Variants in MYH2 observed in about 807,000 individuals in gnomAD.
MYH2 encodes the protein myosin heavy chain 2, also known as myosin-2.
A neutral mutation model predicts 228.1 loss-of-function variants in MYH2; 139 were observed. The ratio of observed to expected loss-of-function variants is 0.61; its 90% CI spans 0.53 to 0.70. The LOEUF is 0.70. MYH2 is among the 30% of genes least tolerant of loss of function. The pLI, the probability that MYH2 is intolerant of heterozygous loss-of-function variation, is 0.00. For missense variants in MYH2, 1,809 were observed against 2,357.5 expected (o/e 0.77, Z 4.82); for synonymous variants, 796 against 871.1 (o/e 0.91, Z 1.52).
rs2073278991 is a variant in MYH2, at chr17:10,521,164, C to T, written c.*116G>A. 3 of 1,274,788 alleles carry T rather than the reference C, an allele frequency of 2.4e-6. No individual in the cohort carries two copies. Among genetic ancestry groups the T allele is most frequent in the Non-Finnish European group, 3.4e-6 (3 of 877,770 alleles). The allele number at this position is 1,274,788 out of a possible 1,614,324, so 79.0% of individuals were successfully genotyped here. A position where few individuals can be genotyped will look rare whatever the true frequency, so the allele number is the denominator to read the frequency against. The stretch of plus-strand genomic sequence containing the variant: ...GTCTAAGGATATTGTTTGCAAACTA[C>T]CCTATGCTTTATTTCCTTTGCAACA... On this transcript the variant is annotated 3_prime_UTR_variant, in exon 40 of 40. Coordinates refer to ENST00000245503, the MANE Select transcript of MYH2 (RefSeq NM_017534.6).
In MYH2 at chr17:10,540,359, C is replaced by CA. The variant is rs56139789; in HGVS notation, c.1008+234dup. Reference sequence around the variant, plus strand: ...GTAGGAATCTAATGCAAGTCAATTGCAAAAAAAAAAAAATAGTTTAGAAAT... The same window carrying CA: ...GTAGGAATCTAATGCAAGTCAATTGCAAAAAAAAAAAAAATAGTTTAGAAAT... On this transcript the variant is annotated intron_variant, in intron 11 of 39. Coordinates refer to ENST00000245503, the MANE Select transcript of MYH2 (RefSeq NM_017534.6). Among the ~76,000 whole-genome samples the CA allele has an allele frequency of 0.013, 2,009 of 149,076 alleles. 23 individuals are homozygous for CA. The highest frequency in any genetic ancestry group is 0.033 in the East Asian group (163 of 4,974).
chr17:10,543,668 T>G (rs750981113), intron 8 of MYH2, 43 bp downstream of exon 8: 8 of 1,603,332 alleles, frequency 5.0e-6, no homozygotes, highest in Non-Finnish European at 5.1e-6. Context: ...CTCATAAATT[T>G]TGACCAGTGA....
At position 10,524,322 on chromosome 17, in the gene MYH2, C is replaced by G; in HGVS notation, c.5175+144G>C. ...CAAAGCAAAACAGTGAAAGATTTCTCAGTAATGCAGAATTACTATTCTGTA... is the reference window on the plus strand; with the variant it reads ...CAAAGCAAAACAGTGAAAGATTTCTGAGTAATGCAGAATTACTATTCTGTA... On this transcript the variant is annotated intron_variant, in intron 35 of 39. Coordinates refer to ENST00000245503, the MANE Select transcript of MYH2 (RefSeq NM_017534.6). This position sits in a 1 kb window ranked among gnomAD's most constrained non-coding sequence, Gnocchi z 4.7. 9.0e-7 allele frequency: 1 copy of G among 1,108,960 alleles called. No homozygotes were observed. Among genetic ancestry groups the G allele is most frequent in the South Asian group, 1.4e-5 (1 of 71,384 alleles). 68.7% of individuals were successfully genotyped at this position (1,108,960 alleles called of 1,614,324 possible). A position where few individuals can be genotyped will look rare whatever the true frequency, so the allele number is the denominator to read the frequency against.
intron 14 of MYH2, 80 bp downstream of exon 14, chr17:10,539,125 A>G: frequency 6.2e-7 from 1 of 1,610,506 alleles, no homozygotes; most frequent in African/African-American, 1.3e-5. Flanking sequence ...AGAAAAGGTC[A>G]TAGTCTTCAC....
Position 10,531,906 on chromosome 17 carries a change from C to G in MYH2, c.2442-18G>C. The G allele has an allele frequency of 1.2e-6, 2 of 1,613,704 alleles. No homozygotes were observed. The highest frequency in any genetic ancestry group is 1.7e-6 in the Non-Finnish European group (2 of 1,179,768). ...TGGCCTCCCTGAAATTTAATTGATG[C>G]AAATTAGTATTGTGTGGTTGATGCA... On this transcript the variant is annotated intron_variant, in intron 21 of 39. Transcript: ENST00000245503.
chr17:10,544,202 G>A (rs1170423054), intron 5 of MYH2, 75 bp from the exon 6 acceptor site: 2 of 1,549,568 alleles, frequency 1.3e-6, no homozygotes, highest in East Asian at 4.7e-5. Flanking sequence ...AAAATGGAAT[G>A]AACTTAGTAT....
rs751017608 is a variant in MYH2 at position 10,525,302 on chromosome 17, A to G, written c.4584T>C (p.Arg1528=). Residue 1528 remains arginine, a synonymous_variant, in exon 33 of 40, where the codon CGT becomes CGC. Coordinates refer to ENST00000245503, the MANE Select transcript of MYH2 (RefSeq NM_017534.6). The surrounding 1 kb of genome is among the most constrained non-coding windows in gnomAD (Gnocchi z 4.2). Reference sequence around the variant, plus strand: ...TCTTTATTTTCTCCAGTTCATGGATACGTTTCCCTCCTTCTGCAATCTGTT... The same window carrying G: ...TCTTTATTTTCTCCAGTTCATGGATGCGTTTCCCTCCTTCTGCAATCTGTT... The part of the protein sequence containing the change: ...LTEQIAEGGK[R]IHELEKIKKQ... 12 of 1,614,144 alleles carry G rather than the reference A, an allele frequency of 7.4e-6. No individual in the cohort carries two copies. The highest frequency in any genetic ancestry group is 1.0e-5 in the Non-Finnish European group (12 of 1,180,010).
rs1286816874 is a variant in MYH2, at chr17:10,524,455, C to T, written c.5175+11G>A. 1 of 1,614,112 alleles carries T rather than the reference C, an allele frequency of 6.2e-7. No individual in the cohort carries two copies. Among genetic ancestry groups the T allele is most frequent in the Non-Finnish European group, 8.5e-7 (1 of 1,179,948 alleles). ...AATTTACTAAGGAGAGTTCTTTGTG[C>T]TGAATCCCACCTGGGTGTGCAGTAG... On this transcript the variant is annotated intron_variant, in intron 35 of 39. Transcript: ENST00000245503. The surrounding 1 kb of genome is among the most constrained non-coding windows in gnomAD (Gnocchi z 4.7).
rs1254393512 is a variant in MYH2 at position 10,537,450 on chromosome 17, C to G, written c.1680G>C (p.Leu560=). Residue 560 remains leucine (L), a synonymous_variant, in exon 16 of 40, where the codon CTG becomes CTC. Coordinates refer to ENST00000245503, the MANE Select transcript of MYH2 (RefSeq NM_017534.6). The surrounding 1 kb of genome is among the most constrained non-coding windows in gnomAD (Gnocchi z 4.0). Reference sequence around the variant, plus strand: ...GCTTCTGGAAGTTGGCAGACTTGCCCAGGTGCTGGTCATACAGCTTGTTCT... The same window carrying G: ...GCTTCTGGAAGTTGGCAGACTTGCCGAGGTGCTGGTCATACAGCTTGTTCT... The part of the protein sequence containing the change: ...SFKNKLYDQH[L]GKSANFQKPK... 1.9e-6 allele frequency: 3 copies of G among 1,614,178 alleles called. No homozygotes were observed. The highest frequency in any genetic ancestry group is 3.3e-5 in the Admixed American group (2 of 60,016).
chr17:10,526,573 T>C, intron 30 of MYH2, 26 bp downstream of exon 30: 3 of 1,613,844 alleles, frequency 1.9e-6, no homozygotes, highest in Non-Finnish European at 1.7e-6. Flanking sequence ...AGTTTTCTGC[T>C]CATTCTCTCA....
At chr17:10,529,139 A>T (rs780079946) in intron 26 of MYH2, 23 bp downstream of exon 26, 1 of 1,614,238 alleles carries the variant, frequency 6.2e-7, no homozygotes, top group South Asian at 1.1e-5. Context: ...TCCGAGCCAG[A>T]CTGATGAAAA....
chr17:10,546,288 T>TATATATAC (rs1384958740), intron 4 of MYH2, among the ~76,000 whole-genome samples: 3 of 136,956 alleles, frequency 2.2e-5, no homozygotes, highest in South Asian at 2.4e-4. Flanking sequence ...TATATATATA[T>TATATATAC]ACATCATGAT....
intron 5 of MYH2, among the ~76,000 whole-genome samples, chr17:10,544,419 A>T (rs1331555149): frequency 6.6e-6 from 1 of 152,222 alleles, no homozygotes; most frequent in Non-Finnish European, 1.5e-5. Context: ...TCTATAAGTG[A>T]TGACCACGTG....
At chr17:10,535,640 T>TC in intron 17 of MYH2, among the ~76,000 whole-genome samples, 1 of 152,322 alleles carries the variant, frequency 6.6e-6, no homozygotes, top group Admixed American at 6.5e-5. Context: ...TCTACCCTGG[T>TC]CCCTGGCCAT....
In MYH2 at chr17:10,532,493, A is replaced by G. The variant is rs149331554; in HGVS notation, c.2442-605T>C. Among the ~76,000 whole-genome samples, 570 of 152,324 alleles carry G rather than the reference A, an allele frequency of 3.7e-3. 4 individuals carry two copies. The highest frequency in any genetic ancestry group is 0.013 in the African/African-American group (531 of 41,574). ...ACAGCTAATTACCCCATATATAGAC[A>G]ATTACCCAAATATATATATATCGTG... On this transcript the variant is annotated intron_variant, in intron 21 of 39. Transcript: ENST00000245503.
chr17:10,542,335 G>A (rs1360024328), intron 10 of MYH2, among the ~76,000 whole-genome samples: 2 of 152,070 alleles, frequency 1.3e-5, no homozygotes, highest in South Asian at 2.1e-4. Flanking sequence ...CACATAATGG[G>A]AAAAGTTGTA....
chr17:10,538,466 C>T (rs533715081), intron 14 of MYH2, among the ~76,000 whole-genome samples: 112 of 152,006 alleles, frequency 7.4e-4, no homozygotes, highest in African/African-American at 2.6e-3. Context: ...ATGGTGAAAC[C>T]TCGTCTCTAC....
chr17:10,535,842 C>T (rs1027046941), intron 17 of MYH2, among the ~76,000 whole-genome samples: 15 of 152,272 alleles, frequency 9.9e-5, no homozygotes, highest in Admixed American at 3.9e-4. Context: ...AGCAATCCTA[C>T]CAATTATAAT....
intron 23 of MYH2, 34 bp downstream of exon 23, chr17:10,529,798 A>C: frequency 6.2e-7 from 1 of 1,613,874 alleles, no homozygotes; most frequent in Non-Finnish European, 8.5e-7. Context: ...GGGTGGCAGA[A>C]CCTCTATACA....
Sources: gnomAD v4.1 joint callset for allele counts (sites outside exome capture counted in the v4.1 genomes callset) on GRCh38, gnomAD v4.1.1 for gene constraint, Gnocchi (gnomAD v3.1) non-coding constraint, MANE v1.5 for transcripts, NCBI Gene and HGNC (gene_info 2026-07-23, HGNC 2026-07-21) for gene names.